The following SHB variants were observed in gnomAD, a reference collection of about 807,000 sequenced individuals.
SHB encodes the protein SH2 domain containing adaptor protein B.
SHB carries 20 observed loss-of-function variants against 52.3 expected under a neutral mutation model. The observed-to-expected ratio is 0.38, with a 90% CI of 0.27 to 0.56. SHB has a LOEUF of 0.56. SHB is among the 20% of genes least tolerant of loss of function. The pLI is 0.71. For missense variants in SHB, 825 were observed against 723.3 expected (o/e 1.14, Z -1.61); for synonymous variants, 397 against 316.5 (o/e 1.25, Z -2.70).
chr9:38,041,999 G>A (rs186503018), intron 1 of SHB, among the ~76,000 whole-genome samples: 20 of 152,250 alleles, frequency 1.3e-4, no homozygotes, highest in Admixed American at 7.8e-4. Context: ...ATTAGCTGGC[G>A]CTGCAGTCTG....
intron 1 of SHB, among the ~76,000 whole-genome samples, chr9:38,025,832 T>G (rs1311837724): frequency 1.3e-5 from 2 of 152,140 alleles, no homozygotes; most frequent in Non-Finnish European, 2.9e-5. Context: ...CCCCTCCCCA[T>G]GTTGATGAGG....
chr9:38,022,577 C>A (rs548190100), intron 1 of SHB, among the ~76,000 whole-genome samples: 1 of 152,206 alleles, frequency 6.6e-6, no homozygotes, highest in Non-Finnish European at 1.5e-5. Flanking sequence ...GCACAAGTGC[C>A]TCTGTCCCCG....
intron 3 of SHB, among the ~76,000 whole-genome samples, chr9:37,958,144 A>G (rs1054610778): frequency 2.0e-5 from 3 of 152,202 alleles, no homozygotes; most frequent in Non-Finnish European, 4.4e-5. Context: ...TGTGAACCTA[A>G]AACTGCTCTA....
intron 1 of SHB, among the ~76,000 whole-genome samples, chr9:38,050,920 C>T (rs1389288757): frequency 2.6e-5 from 4 of 152,210 alleles, no homozygotes; most frequent in Non-Finnish European, 4.4e-5. Context: ...AAAGAACGTG[C>T]CTTCACTCCT....
In SHB at chr9:38,058,557, C is replaced by G. The variant is rs1002324584; in HGVS notation, c.717+9372G>C. Among the ~76,000 whole-genome samples, 5 of 152,210 alleles carry G rather than the reference C, an allele frequency of 3.3e-5. No individual in the cohort carries two copies. The South Asian group carries it at 1.0e-3, about 32-fold the overall frequency. On this transcript the variant is annotated intron_variant, in intron 1 of 5. Transcript: ENST00000377707. ...TCTGCTCTAGAATCTCCAGAGCCAC[C>G]CTTTAAAAACCCAAGTCAGATGCGT... is the stretch of plus-strand genomic sequence containing the variant.
intron 4 of SHB, among the ~76,000 whole-genome samples, chr9:37,950,257 T>C (rs979225131): frequency 6.6e-6 from 1 of 151,860 alleles, no homozygotes; most frequent in Non-Finnish European, 1.5e-5. Context: ...TGTGTGTGTG[T>C]GTTTCCTTTT....
At chr9:38,021,006 G>A (rs1821275343) in intron 1 of SHB, among the ~76,000 whole-genome samples, 1 of 152,202 alleles carries the variant, frequency 6.6e-6, no homozygotes, top group Non-Finnish European at 1.5e-5. Flanking sequence ...AAATGCAAAG[G>A]GAATCTCTGC....
chr9:37,945,205 C>T (rs1832478431), intron 5 of SHB, among the ~76,000 whole-genome samples: 2 of 152,206 alleles, frequency 1.3e-5, no homozygotes, highest in Non-Finnish European at 2.9e-5. Context: ...CAATTTGCAC[C>T]AAGCTCCTGA....
chr9:38,029,579 T>TC (rs1466107583), intron 1 of SHB, among the ~76,000 whole-genome samples: 2 of 147,196 alleles, frequency 1.4e-5, no homozygotes, highest in African/African-American at 5.4e-5. Flanking sequence ...GCAACCTCCA[T>TC]CCCCTGGTTC....
At chr9:37,943,335 G>GT (rs1292396914) in intron 5 of SHB, among the ~76,000 whole-genome samples, 4 of 152,266 alleles carry the variant, frequency 2.6e-5, no homozygotes, top group East Asian at 1.9e-4. Flanking sequence ...AGTTATAGGT[G>GT]TAAGTGTCTT....
intron 3 of SHB, among the ~76,000 whole-genome samples, chr9:37,960,472 G>C (rs1832681867): frequency 6.6e-6 from 1 of 152,202 alleles, no homozygotes; most frequent in African/African-American, 2.4e-5. Flanking sequence ...TCTGAAGGAG[G>C]AAAGTAAGAC....
At chr9:38,015,073 C>A (rs1437292982) in intron 2 of SHB, among the ~76,000 whole-genome samples, 1 of 152,236 alleles carries the variant, frequency 6.6e-6, no homozygotes, top group Non-Finnish European at 1.5e-5. Context: ...GCCTCCAAAG[C>A]CCAGGCAGCC....
Position 38,031,622 on chromosome 9 carries a change from A to G in SHB, c.718-15491T>C, listed in dbSNP as rs61126674. ...TGCTTAAGAGCACTGACTTTTCCAG[A>G]CCCTCTTCCCACCCTGTGTCCCTTC... On this transcript the variant is annotated intron_variant, in intron 1 of 5. Transcript: ENST00000377707. Among the ~76,000 whole-genome samples the G allele has an allele frequency of 8.3e-3, 1,267 of 152,112 alleles. 14 individuals are homozygous for G. The highest frequency in any genetic ancestry group is 0.028 in the African/African-American group (1,179 of 41,472).
At chr9:37,965,898 TATCACTGTG>T (rs1376762111) in intron 3 of SHB, among the ~76,000 whole-genome samples, 5 of 152,212 alleles carry the variant, frequency 3.3e-5, no homozygotes, top group Non-Finnish European at 7.3e-5. Flanking sequence ...CTCATAGATG[TATCACTGTG>T]GTTACTGTGG....
rs548534098 is a variant in SHB, at chr9:37,970,424, C to T, written c.1054+4198G>A. Among the ~76,000 whole-genome samples the T allele has an allele frequency of 8.5e-5, 13 of 152,234 alleles. No homozygotes were observed. The South Asian group carries it at 2.5e-3, about 29-fold the overall frequency. ...AACTGAGCCTTCCGCGGTGGCAGCCCCAGCCTGATGAGATGGGAAGGAAGG... is the reference window on the plus strand; with the variant it reads ...AACTGAGCCTTCCGCGGTGGCAGCCTCAGCCTGATGAGATGGGAAGGAAGG... On this transcript the variant is annotated intron_variant, in intron 3 of 5. Transcript: ENST00000377707.
At chr9:37,962,637 G>GT (rs1162598048) in intron 3 of SHB, among the ~76,000 whole-genome samples, 1 of 151,776 alleles carries the variant, frequency 6.6e-6, no homozygotes, top group East Asian at 1.9e-4. Flanking sequence ...CTCCCAAGCA[G>GT]TAGGGACTAC....
chr9:38,028,696 T>C (rs1052471279), intron 1 of SHB, among the ~76,000 whole-genome samples: 17 of 152,254 alleles, frequency 1.1e-4, no homozygotes, highest in African/African-American at 2.9e-4. Context: ...TTAAGGAGTC[T>C]ATTTATTCAT....
chr9:38,046,771 T>A (rs1370074129), intron 1 of SHB, among the ~76,000 whole-genome samples: 3 of 152,232 alleles, frequency 2.0e-5, no homozygotes, highest in Non-Finnish European at 4.4e-5. Flanking sequence ...GGGACAACAG[T>A]CATATAATGT....
intron 2 of SHB, among the ~76,000 whole-genome samples, chr9:37,976,606 A>G (rs1820658646): frequency 6.6e-6 from 1 of 152,194 alleles, no homozygotes; most frequent in Admixed American, 6.5e-5. Flanking sequence ...AGGTTCTTCC[A>G]TGTTGTAGCC....
Sources: allele counts gnomAD v4.1 joint callset (sites outside exome capture counted in the v4.1 genomes callset), GRCh38; gene constraint gnomAD v4.1.1; transcripts MANE v1.5; gene names NCBI Gene and HGNC (gene_info 2026-07-23, HGNC 2026-07-21).